The following NLRP2 variants were observed in gnomAD, a reference collection of about 807,000 sequenced individuals.
NLRP2 encodes the protein NACHT, LRR and PYD domains-containing protein 2.
A neutral mutation model predicts 97.2 loss-of-function variants in NLRP2; 107 were observed. The ratio of observed to expected loss-of-function variants is 1.10; its 90% CI spans 0.94 to 1.29. NLRP2 has a LOEUF of 1.29. NLRP2 is among the 50% of genes most tolerant of loss of function. NLRP2 has a pLI of 0.00. For missense variants in NLRP2, 1,495 were observed against 1,330.3 expected, an observed-to-expected ratio of 1.12 and a Z score of -1.93; for synonymous variants, 663 against 551.5, an observed-to-expected ratio of 1.20 and a Z score of -2.83.
Position 54,997,474 on chromosome 19 carries a change from C to T in NLRP2, c.3037C>T (p.Leu1013Phe). 2 of 1,614,176 alleles carry T rather than the reference C, an allele frequency of 1.2e-6. No individual in the cohort carries two copies. The highest frequency in any genetic ancestry group is 1.7e-5 in the Admixed American group (1 of 60,020). The change falls in exon 12 of 13, where the codon CTC (leucine) becomes TTC (phenylalanine). Residue 1013 changes from leucine (L) to phenylalanine (F), a missense_variant. Leu to Phe is a conservative substitution (Grantham distance 22, BLOSUM62 0). Coordinates refer to ENST00000448584, the MANE Select transcript of NLRP2 (RefSeq NM_017852.5). ...AACCTTGACATGTTCCAGTGGCACC[C>T]TCCGGACACTCAGGTATGATCCATT... ...FETLTCSSGTLRTLRLKIDDF... is the reference protein window; with the variant it reads ...FETLTCSSGTFRTLRLKIDDF...
chr19:54,988,316 A>G (rs992723086), intron 8 of NLRP2, among the ~76,000 whole-genome samples: 1 of 152,214 alleles, frequency 6.6e-6, no homozygotes, highest in South Asian at 2.1e-4. Flanking sequence ...TTCTCAAGAT[A>G]TAGTCTTGCT....
chr19:54,982,105 T>G (rs1244146583), intron 5 of NLRP2, 57 bp from the exon 6 acceptor site: 76 of 1,610,650 alleles, frequency 4.7e-5, no homozygotes, highest in Non-Finnish European at 6.4e-5. Context: ...TATTTTGGTT[T>G]TCCCTATGGG....
chr19:54,975,020 T>C (rs2146369143), intron 3 of NLRP2, among the ~76,000 whole-genome samples: 1 of 151,048 alleles, frequency 6.6e-6, no homozygotes, highest in South Asian at 2.1e-4. Flanking sequence ...AGGCTGGTCT[T>C]GAACTCCTGA....
At position 54,986,295 on chromosome 19, in the gene NLRP2, A is replaced by G. The variant is rs770651151; in HGVS notation, c.2346A>G (p.Glu782=). The G allele has an allele frequency of 1.9e-6, 3 of 1,614,044 alleles. No homozygotes were observed. The South Asian group carries it at 3.3e-5, about 18-fold the overall frequency. The change falls in exon 8 of 13, where the codon GAA becomes GAG. Residue 782 remains glutamate (E), a synonymous_variant. Coordinates refer to ENST00000448584, the MANE Select transcript of NLRP2 (RefSeq NM_017852.5). ...PALCEVLRHP[E]CNLRYLGLVS... ...TGTGTGAGGTCTTGAGACATCCAGA[A>G]TGTAACCTGCGATATCTCGGGTATA...
chr19:54,972,910 C>G (rs964965138), intron 2 of NLRP2, among the ~76,000 whole-genome samples: 7 of 151,938 alleles, frequency 4.6e-5, no homozygotes, highest in African/African-American at 7.2e-5. Flanking sequence ...CATGGTAGGC[C>G]GGGCACAGTG....
At chr19:54,968,992 C>T (rs1305719454) in intron 1 of NLRP2, among the ~76,000 whole-genome samples, 2 of 152,104 alleles carry the variant, frequency 1.3e-5, no homozygotes, top group Non-Finnish European at 2.9e-5. Context: ...TGAGCCACCG[C>T]GCCCGGCTGT....
At chr19:54,967,010 C>G (rs1299122344) in intron 1 of NLRP2, among the ~76,000 whole-genome samples, 1 of 151,500 alleles carries the variant, frequency 6.6e-6, no homozygotes, top group Non-Finnish European at 1.5e-5. Flanking sequence ...TCTGTTCTGG[C>G]TAATAATATT....
Position 54,987,746 on chromosome 19 carries a change from A to AT in NLRP2, c.2366+1431_2366+1432insT, listed in dbSNP as rs1031737986. Among the ~76,000 whole-genome samples the AT allele has an allele frequency of 5.2e-4, 76 of 146,256 alleles. 1 individual carries two copies. Among genetic ancestry groups the AT allele is most frequent in the African/African-American group, 1.8e-3 (74 of 40,644 alleles). On this transcript the variant is annotated intron_variant, in intron 8 of 12. Coordinates refer to ENST00000448584, the MANE Select transcript of NLRP2 (RefSeq NM_017852.5). ...AACAGTGTGAGACTGTCTCAAAAAA[A>AT]AAAAAAAAAATCTTGGCTGGGTGCG...
At chr19:54,987,755 A>G (rs1027595289) in intron 8 of NLRP2, among the ~76,000 whole-genome samples, 2 of 150,862 alleles carry the variant, frequency 1.3e-5, no homozygotes, top group Admixed American at 6.6e-5. Context: ...AAAAAAAAAA[A>G]ATCTTGGCTG....
At chr19:54,997,703 C>T (rs149043230) in intron 12 of NLRP2, among the ~76,000 whole-genome samples, 220 of 152,042 alleles carry the variant, frequency 1.4e-3, no homozygotes, top group African/African-American at 5.2e-3. Flanking sequence ...GATCCGCCCG[C>T]CTCGGCCTCC....
intron 7 of NLRP2, 100 bp downstream of exon 7, chr19:54,985,317 G>T: frequency 8.9e-7 from 1 of 1,121,296 alleles, no homozygotes; most frequent in Non-Finnish European, 1.3e-6. Flanking sequence ...AGACTCTTAA[G>T]TGCTCGAGAC....
chr19:54,986,182 C>A lies in NLRP2; in HGVS notation c.2233C>A (p.Arg745=), dbSNP rs749933450. 6.2e-7 allele frequency: 1 copy of A among 1,613,530 alleles called. No individual in the cohort carries two copies. Among genetic ancestry groups the A allele is most frequent in the Admixed American group, 1.7e-5 (1 of 60,016 alleles). Residue 745 remains arginine (R), a synonymous_variant, in exon 8 of 13, where the codon CGG becomes AGG. Coordinates refer to ENST00000448584, the MANE Select transcript of NLRP2 (RefSeq NM_017852.5). ...FKNISPADAH[R]NLCLALRGHK... Reference sequence around the variant, plus strand: ...AAACATTTCCCCAGCTGATGCTCATCGGAACCTCTGCCTAGCTCTTCGAGG... The same window carrying A: ...AAACATTTCCCCAGCTGATGCTCATAGGAACCTCTGCCTAGCTCTTCGAGG...
upstream of NLRP2, chr19:54,966,154 AGTCCCAGT>A (rs1452199589): frequency 6.6e-6 from 1 of 151,660 alleles, no homozygotes; most frequent in Non-Finnish European, 1.5e-5. Context: ...GGGTCTGGGC[AGTCCCAGT>A]GTAACCAATC....
intron 10 of NLRP2, among the ~76,000 whole-genome samples, chr19:54,992,792 C>A (rs1379608395): frequency 6.6e-6 from 1 of 151,916 alleles, no homozygotes; most frequent in East Asian, 1.9e-4. Context: ...TTCCTGACCT[C>A]AGGTGATCCA....
chr19:54,983,303 A>G lies in NLRP2; in HGVS notation c.1605A>G (p.Val535=), dbSNP rs2071768692. The G allele has an allele frequency of 6.2e-7, 1 of 1,614,212 alleles. No individual in the cohort carries two copies. ...GCCACACCTGGGACATTGGGGACGTACAGAAGCTGCTTTCCGGAGTAGAAA... is the reference window on the plus strand; with the variant it reads ...GCCACACCTGGGACATTGGGGACGTGCAGAAGCTGCTTTCCGGAGTAGAAA... ...RDGHTWDIGD[V]QKLLSGVERL... The change falls in exon 6 of 13, where the codon GTA becomes GTG. Residue 535 remains valine (V), a synonymous_variant. Transcript: ENST00000448584.
At chr19:54,971,724 G>T (rs143185481) in intron 2 of NLRP2, among the ~76,000 whole-genome samples, 3 of 152,002 alleles carry the variant, frequency 2.0e-5, no homozygotes, top group East Asian at 3.9e-4. Flanking sequence ...TTCAGGTATC[G>T]TACAGTTGGC....
At chr19:54,975,319 G>C (rs541244857) in intron 3 of NLRP2, among the ~76,000 whole-genome samples, 1 of 139,822 alleles carries the variant, frequency 7.2e-6, no homozygotes, top group Non-Finnish European at 1.5e-5. Context: ...ACAGGGTCTT[G>C]CTATGTTGCC....
intron 8 of NLRP2, among the ~76,000 whole-genome samples, chr19:54,987,546 G>A (rs1277497051): frequency 2.6e-5 from 4 of 152,100 alleles, no homozygotes; most frequent in East Asian, 3.9e-4. Flanking sequence ...GTTCAAGACC[G>A]GCCTGGTCAA....
intron 2 of NLRP2, 93 bp from the exon 3 acceptor site, chr19:54,974,407 T>C (rs1446648767): frequency 1.8e-5 from 16 of 903,440 alleles, no homozygotes; most frequent in Non-Finnish European, 5.6e-6. Flanking sequence ...GAACAAGTGA[T>C]CCAGTTCTAA....
Sources: gnomAD v4.1 joint callset for allele counts (sites outside exome capture counted in the v4.1 genomes callset) on GRCh38, gnomAD v4.1.1 for gene constraint, MANE v1.5 for transcripts, NCBI Gene and HGNC (gene_info 2026-07-23, HGNC 2026-07-21) for gene names.